The following KIAA0232 variants were observed in gnomAD, a reference collection of about 807,000 sequenced individuals.
KIAA0232 encodes the protein KIAA0232.
A neutral mutation model predicts 122.0 loss-of-function variants in KIAA0232; 27 were observed. That is an observed-to-expected ratio of 0.22 (90% CI 0.16 to 0.31). The LOEUF (loss-of-function observed/expected upper bound fraction) is 0.31, where lower values mean the gene tolerates loss of function less well. KIAA0232 is among the 10% of genes least tolerant of loss of function. The pLI is 1.00. For missense variants in KIAA0232, 1,551 were observed against 1,634.2 expected (o/e 0.95, Z 0.88); for synonymous variants, 613 against 587.6 (o/e 1.04, Z -0.63).
rs75313030 is a variant in KIAA0232 at position 6,852,632 on chromosome 4, T to C, written c.370-4532T>C. Among the ~76,000 whole-genome samples, 5 of 152,320 alleles carry C rather than the reference T, an allele frequency of 3.3e-5. No homozygotes were observed. The East Asian group carries it at 9.7e-4, about 29-fold the overall frequency. The stretch of plus-strand genomic sequence containing the variant: ...TGTTTGAAAGCCTGTGCTTCAGTTA[T>C]TGCTACATGACTAAGTACCCCAAAA... On this transcript the variant is annotated intron_variant, in intron 4 of 9. Transcript: ENST00000307659.
intron 5 of KIAA0232, among the ~76,000 whole-genome samples, chr4:6,858,127 G>A (rs1720658835): frequency 6.6e-6 from 1 of 152,186 alleles, no homozygotes; most frequent in Non-Finnish European, 1.5e-5. Flanking sequence ...TGTCCTTCTG[G>A]TCTAATTAAT....
chr4:6,783,817 C>T (rs1716483052), intron 1 of KIAA0232, among the ~76,000 whole-genome samples: 1 of 152,192 alleles, frequency 6.6e-6, no homozygotes, highest in Non-Finnish European at 1.5e-5. Flanking sequence ...GTCGCGAGGG[C>T]GCCCCGAGTT....
chr4:6,829,159 C>T (rs2109057950), intron 3 of KIAA0232, among the ~76,000 whole-genome samples: 1 of 152,146 alleles, frequency 6.6e-6, no homozygotes, highest in East Asian at 1.9e-4. Context: ...TCGGATATTT[C>T]CTCGTATCTT....
At chr4:6,840,127 A>G (rs1468824331) in intron 3 of KIAA0232, among the ~76,000 whole-genome samples, 1 of 152,196 alleles carries the variant, frequency 6.6e-6, no homozygotes, top group Non-Finnish European at 1.5e-5. Flanking sequence ...TCCCAGTGTC[A>G]TTCAGGCTTC....
intron 4 of KIAA0232, among the ~76,000 whole-genome samples, chr4:6,853,991 T>C (rs538030551): frequency 6.6e-6 from 1 of 152,248 alleles, no homozygotes; most frequent in Admixed American, 6.5e-5. Context: ...AACCTAGCGT[T>C]GGTCAGAGAG....
intron 2 of KIAA0232, among the ~76,000 whole-genome samples, chr4:6,818,556 G>A (rs1040955395): frequency 4.6e-5 from 7 of 151,908 alleles, no homozygotes; most frequent in African/African-American, 1.7e-4. Context: ...CAAGAAGGAC[G>A]ATAAAATCAT....
chr4:6,820,097 A>T (rs1222940157), intron 2 of KIAA0232, among the ~76,000 whole-genome samples: 1 of 152,164 alleles, frequency 6.6e-6, no homozygotes, highest in Non-Finnish European at 1.5e-5. Flanking sequence ...GAAGACTGCT[A>T]TAGTGATGAG....
At chr4:6,796,080 G>A (rs948399082) in intron 1 of KIAA0232, among the ~76,000 whole-genome samples, 39 of 152,290 alleles carry the variant, frequency 2.6e-4, no homozygotes, top group African/African-American at 6.5e-4. Flanking sequence ...TGGTTTGTGC[G>A]TAAGTGAGCT....
At chr4:6,827,522 T>C (rs1718755387) in intron 3 of KIAA0232, among the ~76,000 whole-genome samples, 1 of 152,230 alleles carries the variant, frequency 6.6e-6, no homozygotes, top group Admixed American at 6.5e-5. Flanking sequence ...TCCTGGGTGT[T>C]CATTTCCTCA....
intron 1 of KIAA0232, among the ~76,000 whole-genome samples, chr4:6,788,340 T>C (rs776723297): frequency 1.3e-5 from 2 of 152,208 alleles, no homozygotes; most frequent in Non-Finnish European, 2.9e-5. Flanking sequence ...TGTCACCTTA[T>C]ATTTCAACAC....
At chr4:6,823,962 G>A (rs748242993) in intron 2 of KIAA0232, among the ~76,000 whole-genome samples, 4 of 152,080 alleles carry the variant, frequency 2.6e-5, no homozygotes, top group Non-Finnish European at 5.9e-5. Context: ...CAGTCTTCCC[G>A]CTTCAGCCTT....
intron 1 of KIAA0232, among the ~76,000 whole-genome samples, chr4:6,795,293 C>T (rs758787952): frequency 1.3e-5 from 2 of 152,126 alleles, no homozygotes; most frequent in African/African-American, 2.4e-5. Context: ...AGGATGATCT[C>T]GATCTCCTGA....
rs1301610682 is a variant in KIAA0232, at chr4:6,881,066, C to T, written c.*100C>T. ...TCTAAAACAACAACTTAGGTTTCCT[C>T]TTCAATTAACTGATTCAGATTGGTA... is the stretch of plus-strand genomic sequence containing the variant. On this transcript the variant is annotated 3_prime_UTR_variant, in exon 10 of 10. Transcript: ENST00000307659. The T allele has an allele frequency of 2.6e-6, 2 of 762,164 alleles. No homozygotes were observed. Among genetic ancestry groups the T allele is most frequent in the Non-Finnish European group, 3.8e-6 (2 of 523,888 alleles). 47.2% of individuals were successfully genotyped at this position (762,164 alleles called of 1,614,324 possible).
chr4:6,873,846 CCTT>C (rs1721619590), intron 8 of KIAA0232, among the ~76,000 whole-genome samples: 1 of 152,194 alleles, frequency 6.6e-6, no homozygotes, highest in Admixed American at 6.5e-5. Flanking sequence ...CATGAAGCAT[CCTT>C]CTTTAGCTTA....
intron 8 of KIAA0232, among the ~76,000 whole-genome samples, chr4:6,875,519 G>A (rs1031684199): frequency 6.6e-6 from 1 of 152,194 alleles, no homozygotes; most frequent in African/African-American, 2.4e-5. Context: ...GCAGGAAGCA[G>A]CCCAGCAGGG....
intron 1 of KIAA0232, among the ~76,000 whole-genome samples, chr4:6,792,992 A>T (rs1307604988): frequency 6.6e-6 from 1 of 152,054 alleles, no homozygotes; most frequent in South Asian, 2.1e-4. Flanking sequence ...GGCCATTCTT[A>T]GTTATTTTTG....
rs144397764 is a variant in KIAA0232 at position 6,846,153 on chromosome 4, C to T, written c.369+3949C>T. ...TTTCATAACAACGATTTTTAAAAAT[C>T]TCACCAAATTAAAATTAGCTGAGGA... is the stretch of plus-strand genomic sequence containing the variant. On this transcript the variant is annotated intron_variant, in intron 4 of 9. Transcript: ENST00000307659. Among the ~76,000 whole-genome samples the T allele has an allele frequency of 3.3e-3, 495 of 151,450 alleles. 4 individuals are homozygous for T. The highest frequency in any genetic ancestry group is 0.011 in the African/African-American group (474 of 41,248).
chr4:6,852,964 G>A (rs931615103), intron 4 of KIAA0232, among the ~76,000 whole-genome samples: 2 of 152,188 alleles, frequency 1.3e-5, no homozygotes, highest in African/African-American at 4.8e-5. Flanking sequence ...GTGCAGGGAG[G>A]CACAGTTCAT....
intron 2 of KIAA0232, among the ~76,000 whole-genome samples, chr4:6,806,269 C>G (rs867595665): frequency 2.0e-5 from 3 of 151,964 alleles, no homozygotes; most frequent in East Asian, 3.9e-4. Flanking sequence ...ATTTGATAAC[C>G]TGTAAAAAAA....
Sources: allele counts gnomAD v4.1 joint callset (sites outside exome capture counted in the v4.1 genomes callset), GRCh38; gene constraint gnomAD v4.1.1; transcripts MANE v1.5; gene names NCBI Gene and HGNC (gene_info 2026-07-23, HGNC 2026-07-21).